The following ALK variants were observed in gnomAD, a reference collection of about 807,000 sequenced individuals.
ALK encodes the protein ALK receptor tyrosine kinase.
A neutral mutation model predicts 163.1 loss-of-function variants in ALK; 74 were observed. That is an observed-to-expected ratio of 0.45 (90% CI 0.38 to 0.55). The LOEUF is 0.55. ALK is among the 20% of genes least tolerant of loss of function. The pLI, the probability that ALK is intolerant of heterozygous loss-of-function variation, is 0.00. For missense variants in ALK, 2,063 were observed against 2,105.3 expected, an observed-to-expected ratio of 0.98 and a Z score of 0.39; for synonymous variants, 960 against 843.2, an observed-to-expected ratio of 1.14 and a Z score of -2.40.
chr2:29,850,235 T>C (rs138673506), intron 1 of ALK, among the ~76,000 whole-genome samples: 130 of 152,172 alleles, frequency 8.5e-4, no homozygotes, highest in Non-Finnish European at 1.5e-3. Flanking sequence ...AAAGAGCCCA[T>C]AGAAGACAAA....
At chr2:29,525,734 T>G (rs1280043527) in intron 4 of ALK, among the ~76,000 whole-genome samples, 4 of 133,198 alleles carry the variant, frequency 3.0e-5, no homozygotes, top group African/African-American at 1.2e-4. Context: ...AGGCTGGCAG[T>G]GAGCTGAGAT....
intron 8 of ALK, among the ~76,000 whole-genome samples, chr2:29,301,586 A>G (rs1361964546): frequency 6.6e-6 from 1 of 152,214 alleles, no homozygotes; most frequent in East Asian, 1.9e-4. Flanking sequence ...TGGGTCAGGG[A>G]CCAGGGAAGG....
intron 5 of ALK, among the ~76,000 whole-genome samples, chr2:29,343,734 G>A (rs1353116151): frequency 1.3e-5 from 2 of 152,114 alleles, no homozygotes; most frequent in Admixed American, 6.5e-5. Context: ...TGACAATTTG[G>A]AAAGCATATG....
chr2:29,285,293 C>G (rs1306784849), intron 9 of ALK, among the ~76,000 whole-genome samples: 1 of 152,080 alleles, frequency 6.6e-6, no homozygotes, highest in Non-Finnish European at 1.5e-5. Flanking sequence ...TCTAGCTCTG[C>G]CACCCAGGCT....
chr2:29,885,155 G>A (rs1051769565), intron 1 of ALK, among the ~76,000 whole-genome samples: 1 of 152,172 alleles, frequency 6.6e-6, no homozygotes, highest in Non-Finnish European at 1.5e-5. Context: ...TTGCTAGTAA[G>A]GGACTACCCT....
At chr2:29,334,082 C>T (rs188834367) in intron 5 of ALK, among the ~76,000 whole-genome samples, 2 of 152,322 alleles carry the variant, frequency 1.3e-5, no homozygotes, top group East Asian at 3.9e-4. Flanking sequence ...AACTCTTCCT[C>T]TTTCGGCCCT....
At chr2:29,803,326 T>C (rs1308560085) in intron 1 of ALK, among the ~76,000 whole-genome samples, 2 of 152,206 alleles carry the variant, frequency 1.3e-5, no homozygotes, top group African/African-American at 4.8e-5. Flanking sequence ...CCACAAAGTA[T>C]TATTGTAAAG....
chr2:29,782,403 A>T (rs1405440006), intron 1 of ALK, among the ~76,000 whole-genome samples: 1 of 152,088 alleles, frequency 6.6e-6, no homozygotes, highest in Non-Finnish European at 1.5e-5. Context: ...TGGCCCCAGG[A>T]TTCCTGCAGC....
chr2:29,723,563 A>G (rs1679480744), intron 1 of ALK, among the ~76,000 whole-genome samples: 1 of 152,246 alleles, frequency 6.6e-6, no homozygotes. Context: ...TGTCAAATAA[A>G]TGAAATCAGC....
intron 2 of ALK, among the ~76,000 whole-genome samples, chr2:29,700,979 A>C (rs75817630): frequency 9.5e-4 from 145 of 152,344 alleles, no homozygotes; most frequent in African/African-American, 3.4e-3. Context: ...TAGGAAGCCC[A>C]GCATTGGTTA....
rs770603023 is a variant in ALK, at chr2:29,239,770, G to C, written c.2265C>G (p.His755Gln). ...TGAAGATGCCCAGCACAGACACGCC[G>C]TGGGACCGCATCATGGTGTTCTTCC... is the stretch of plus-strand genomic sequence containing the variant. ...KGGKNTMMRS[H>Q]GVSVLGIFNL... The change falls in exon 13 of 29, where the codon CAC becomes CAG. Residue 755 changes from histidine (H) to glutamine (Q), a missense_variant. Physicochemically the swap from His to Gln is conservative, Grantham distance 24. Transcript: ENST00000389048. 1 of 1,613,894 alleles carries C rather than the reference G, an allele frequency of 6.2e-7. No individual in the cohort carries two copies. Among genetic ancestry groups the C allele is most frequent in the East Asian group, 2.2e-5 (1 of 44,890 alleles).
At chr2:29,508,789 T>A (rs1672423406) in intron 4 of ALK, among the ~76,000 whole-genome samples, 1 of 139,498 alleles carries the variant, frequency 7.2e-6, no homozygotes, top group Non-Finnish European at 1.5e-5. Context: ...ATCCCTGACC[T>A]ATTGAATCAG....
chr2:29,630,678 T>G (rs1014489117), intron 3 of ALK, among the ~76,000 whole-genome samples: 1 of 152,218 alleles, frequency 6.6e-6, no homozygotes, highest in African/African-American at 2.4e-5. Context: ...AGATTAATGC[T>G]TTGCTTTCTT....
intron 2 of ALK, among the ~76,000 whole-genome samples, chr2:29,698,938 CA>C (rs1678650432): frequency 6.6e-6 from 1 of 152,206 alleles, no homozygotes; most frequent in Non-Finnish European, 1.5e-5. Context: ...CATGGAGACA[CA>C]GGTTTTTCTC....
intron 25 of ALK, chr2:29,208,063 C>T: frequency 2.2e-6 from 1 of 445,386 alleles, no homozygotes; most frequent in Non-Finnish European, 4.5e-6. Context: ...GTGCTGAGGA[C>T]ATAAATAGGT....
chr2:29,588,343 G>T (rs7578544), intron 3 of ALK, among the ~76,000 whole-genome samples: 1 of 152,080 alleles, frequency 6.6e-6, no homozygotes, highest in Non-Finnish European at 1.5e-5. Flanking sequence ...CGATTCTTGC[G>T]TCTCAGCCTC....
At chr2:29,241,410 C>G (rs553951636) in intron 12 of ALK, among the ~76,000 whole-genome samples, 1 of 152,056 alleles carries the variant, frequency 6.6e-6, no homozygotes, top group South Asian at 2.1e-4. Context: ...AAAAGGAGCT[C>G]ATGGGTGAAA....
intron 1 of ALK, among the ~76,000 whole-genome samples, chr2:29,918,957 C>G (rs765427412): frequency 6.6e-6 from 1 of 152,168 alleles, no homozygotes; most frequent in Non-Finnish European, 1.5e-5. Flanking sequence ...ATTCACAAGT[C>G]TTCCCCAGTT....
intron 4 of ALK, among the ~76,000 whole-genome samples, chr2:29,388,513 G>T (rs1055669936): frequency 6.6e-6 from 1 of 152,174 alleles, no homozygotes; most frequent in African/African-American, 2.4e-5. Context: ...ACCACCCTAA[G>T]CTACGACCTT....
Sources: gnomAD v4.1 joint callset for allele counts (sites outside exome capture counted in the v4.1 genomes callset) on GRCh38, gnomAD v4.1.1 for gene constraint, MANE v1.5 for transcripts, NCBI Gene and HGNC (gene_info 2026-07-23, HGNC 2026-07-21) for gene names.